THSD4: variants seen among roughly 807,000 people sequenced by gnomAD.
The protein encoded by THSD4 is thrombospondin type 1 domain containing 4, also known as thrombospondin type-1 domain-containing protein 4.
THSD4 carries 69 observed loss-of-function variants against 119.0 expected under a neutral mutation model. That is an observed-to-expected ratio of 0.58 (90% confidence interval 0.48 to 0.71). The LOEUF (loss-of-function observed/expected upper bound fraction) is 0.71. Among genes scored for constraint, THSD4 ranks in the 30% least tolerant of loss-of-function variants. THSD4 has a pLI of 0.00. For missense variants in THSD4, 1,393 were observed against 1,391.1 expected (o/e 1.00, Z -0.02); for synonymous variants, 524 against 540.4 (o/e 0.97, Z 0.42).
At chr15:71,567,765 A>C (rs796849131) in intron 7 of THSD4, among the ~76,000 whole-genome samples, 2 of 132,784 alleles carry the variant, frequency 1.5e-5, no homozygotes, top group East Asian at 4.2e-4. Flanking sequence ...TGGAGAGAGA[A>C]AGAGAGAGAG....
At position 71,339,217 on chromosome 15, in the gene THSD4, G is replaced by A. The variant is rs374309982; in HGVS notation, c.1016-72470G>A. 8.6e-4 allele frequency among the ~76,000 whole-genome samples: 131 copies of A among 152,146 alleles called. 4 individuals carry two copies. In the South Asian group the frequency reaches 0.026, roughly 31 times the overall value. On this transcript the variant is annotated intron_variant, in intron 6 of 17. Transcript: ENST00000261862. ...GTTTTATCTCCATTAAACTTTTTCA[G>A]TGTTCTATGCTGAGTTTTTTGTATT...
At chr15:71,564,048 C>T (rs975934148) in intron 7 of THSD4, among the ~76,000 whole-genome samples, 13 of 152,226 alleles carry the variant, frequency 8.5e-5, no homozygotes, top group Admixed American at 3.9e-4. Flanking sequence ...TAGTTTTTTG[C>T]AGCATCGTAG....
chr15:71,331,560 G>T (rs543828120), intron 6 of THSD4, among the ~76,000 whole-genome samples: 4 of 152,318 alleles, frequency 2.6e-5, no homozygotes, highest in African/African-American at 9.6e-5. Flanking sequence ...CTCTAGCTGG[G>T]ATTGCTCTGC....
At chr15:71,201,055 T>C (rs1291926206) in intron 3 of THSD4, among the ~76,000 whole-genome samples, 1 of 152,152 alleles carries the variant, frequency 6.6e-6, no homozygotes, top group Non-Finnish European at 1.5e-5. Flanking sequence ...GGTTGGTGCC[T>C]AATGACCCCC....
At chr15:71,622,539 G>A (rs2050436177) in intron 7 of THSD4, among the ~76,000 whole-genome samples, 2 of 152,058 alleles carry the variant, frequency 1.3e-5, no homozygotes, top group African/African-American at 4.8e-5. Context: ...TTGCAACTTA[G>A]CATTTGGCCT....
chr15:71,310,438 A>G (rs2045096113), intron 6 of THSD4, among the ~76,000 whole-genome samples: 1 of 152,238 alleles, frequency 6.6e-6, no homozygotes, highest in Non-Finnish European at 1.5e-5. Flanking sequence ...GATACAGGGA[A>G]AAGTGTCCAT....
intron 7 of THSD4, among the ~76,000 whole-genome samples, chr15:71,430,956 C>T (rs1313281346): frequency 6.6e-6 from 1 of 151,930 alleles, no homozygotes; most frequent in East Asian, 1.9e-4. Context: ...GGTAAAATAA[C>T]CAGTGTTTCC....
intron 6 of THSD4, among the ~76,000 whole-genome samples, chr15:71,266,335 C>A (rs1029421067): frequency 2.0e-5 from 3 of 152,152 alleles, no homozygotes; most frequent in African/African-American, 7.2e-5. Flanking sequence ...GAGTGGACCT[C>A]CAACAAACTC....
In THSD4 at chr15:71,130,279, C is replaced by T. The variant is rs764153084; in HGVS notation, c.-79-11170C>T. Among the ~76,000 whole-genome samples the T allele has an allele frequency of 3.9e-5, 6 of 152,008 alleles. No individual in the cohort carries two copies. The East Asian group carries it at 7.7e-4, about 20-fold the overall frequency. On this transcript the variant is annotated intron_variant, in intron 1 of 17. Transcript: ENST00000261862. ...CGGTTCATTGCAGCCTTGAGCTCTC[C>T]GGCTCAATCGATCCTCCCACCTCAG... is the stretch of plus-strand genomic sequence containing the variant.
chr15:71,356,536 T>G (rs1213170998), intron 6 of THSD4, among the ~76,000 whole-genome samples: 1 of 151,936 alleles, frequency 6.6e-6, no homozygotes, highest in Non-Finnish European at 1.5e-5. Context: ...AAATCAAAAT[T>G]TGTTGAATGA....
rs2043919366 is a variant in THSD4 at position 71,215,052 on chromosome 15, G to A, written c.117G>A (p.Ala39=). The A allele has an allele frequency of 7.7e-7, 1 of 1,292,006 alleles. No individual in the cohort carries two copies. Among genetic ancestry groups the A allele is most frequent in the Non-Finnish European group, 9.8e-7 (1 of 1,015,756 alleles). 80.0% of individuals were successfully genotyped at this position (1,292,006 alleles called of 1,614,324 possible). Residue 39 remains alanine, a synonymous_variant, in exon 4 of 18, where the codon GCG becomes GCA. Transcript: ENST00000261862. ...CTCCGCAGGTCCCGCAGCGGATGGC[G>A]GCGGAGGGCGCCCCCGAGGACGACG... is the stretch of plus-strand genomic sequence containing the variant. ...TQHRKVPQRM[A]AEGAPEDDGG...
intron 6 of THSD4, among the ~76,000 whole-genome samples, chr15:71,334,659 A>T (rs2045469314): frequency 1.3e-5 from 2 of 152,234 alleles, no homozygotes; most frequent in Non-Finnish European, 2.9e-5. Flanking sequence ...CCATCAAGGC[A>T]AATGAGTCAG....
intron 3 of THSD4, chr15:71,186,659 G>A (rs2043607539): frequency 1.3e-5 from 2 of 152,356 alleles, no homozygotes; most frequent in South Asian, 4.1e-4. Context: ...TGTAACATTT[G>A]CTTTGTCCTG....
intron 6 of THSD4, among the ~76,000 whole-genome samples, chr15:71,265,322 G>C (rs950519531): frequency 2.0e-5 from 3 of 152,238 alleles, no homozygotes; most frequent in Admixed American, 1.3e-4. Flanking sequence ...AGCAGGGTGG[G>C]GCTCTGCATC....
intron 15 of THSD4, among the ~76,000 whole-genome samples, chr15:71,764,717 C>T (rs1229133506): frequency 6.6e-6 from 1 of 152,192 alleles, no homozygotes; most frequent in Non-Finnish European, 1.5e-5. Context: ...CTGGTGTGTT[C>T]CTGCAGGAGA....
chr15:71,587,010 A>T (rs1002070544), intron 7 of THSD4, among the ~76,000 whole-genome samples: 10 of 152,210 alleles, frequency 6.6e-5, no homozygotes, highest in Non-Finnish European at 1.3e-4. Context: ...TCTCTTTTAA[A>T]AACCAAAAAA....
At chr15:71,389,886 T>G (rs1307440081) in intron 6 of THSD4, among the ~76,000 whole-genome samples, 4 of 146,138 alleles carry the variant, frequency 2.7e-5, no homozygotes, top group Admixed American at 7.1e-5. Flanking sequence ...CTTGGCTCAC[T>G]GCAACCTCCA....
At chr15:71,107,399 G>A (rs920613489) in intron 1 of THSD4, among the ~76,000 whole-genome samples, 52 of 149,696 alleles carry the variant, frequency 3.5e-4, no homozygotes, top group African/African-American at 1.3e-3. Context: ...AGAAAAGAAA[G>A]AAAGAAAGCA....
chr15:71,771,773 A>G (rs139779065), intron 17 of THSD4, among the ~76,000 whole-genome samples: 129 of 152,314 alleles, frequency 8.5e-4, no homozygotes, highest in Non-Finnish European at 1.2e-3. Flanking sequence ...GCAGTCTTGC[A>G]ATTCAGAAGA....
Sources: gnomAD v4.1 joint callset for allele counts (sites outside exome capture counted in the v4.1 genomes callset) on GRCh38, gnomAD v4.1.1 for gene constraint, MANE v1.5 for transcripts, NCBI Gene and HGNC (gene_info 2026-07-23, HGNC 2026-07-21) for gene names.